The following GLI3 variants were observed in gnomAD, a reference collection of about 807,000 sequenced individuals.
GLI3 encodes the protein GLI family zinc finger 3.
GLI3 carries 20 observed loss-of-function variants against 100.8 expected under a neutral mutation model. The observed-to-expected ratio is 0.20, with a 90% CI of 0.14 to 0.29. The LOEUF is 0.29. Ranked by LOEUF, GLI3 falls within the 10% of genes least tolerant of loss-of-function variation. The pLI is 1.00. For synonymous variants in GLI3, 938 were observed against 860.5 expected (o/e 1.09, Z -1.58); for missense variants, 2,040 against 2,128.5 (o/e 0.96, Z 0.82).
chr7:42,245,699 C>G (rs1354994654), intron 1 of GLI3, among the ~76,000 whole-genome samples: 1 of 148,706 alleles, frequency 6.7e-6, no homozygotes, highest in Non-Finnish European at 1.5e-5. Context: ...AAAACAAAAA[C>G]AAAACAAAAC....
At chr7:42,249,307 G>A (rs1328254390) in intron 1 of GLI3, among the ~76,000 whole-genome samples, 4 of 152,254 alleles carry the variant, frequency 2.6e-5, no homozygotes, top group South Asian at 4.1e-4. Flanking sequence ...AATCTCTACC[G>A]ATGGACACTA....
chr7:42,241,598 C>T (rs535956956), upstream of GLI3, among the ~76,000 whole-genome samples: 5 of 152,310 alleles, frequency 3.3e-5, no homozygotes, highest in African/African-American at 9.6e-5. Context: ...GCATCGCACA[C>T]GGGGCCCTTC....
intron 2 of GLI3, among the ~76,000 whole-genome samples, chr7:42,205,907 G>T (rs1562785754): frequency 6.6e-6 from 1 of 152,154 alleles, no homozygotes; most frequent in African/African-American, 2.4e-5. Context: ...AAACGACTAA[G>T]ATTGCTTCCC....
chr7:42,213,389 A>G (rs191916899), intron 2 of GLI3, among the ~76,000 whole-genome samples: 5 of 152,292 alleles, frequency 3.3e-5, no homozygotes, highest in Admixed American at 3.3e-4. Flanking sequence ...TTCTACATTT[A>G]TTCCATGGTT....
intron 2 of GLI3, among the ~76,000 whole-genome samples, chr7:42,199,481 G>A (rs893280169): frequency 1.3e-5 from 2 of 152,202 alleles, no homozygotes; most frequent in African/African-American, 4.8e-5. Context: ...CACCAAGCAG[G>A]TTACAGTCCC....
chr7:42,226,778 AAAG>A (rs1317880693), intron 1 of GLI3, among the ~76,000 whole-genome samples: 1 of 152,216 alleles, frequency 6.6e-6, no homozygotes, highest in Non-Finnish European at 1.5e-5. Flanking sequence ...TGTCAGTTAT[AAAG>A]AAGAAAGTTT....
rs1284329586 is a variant in GLI3 at position 41,963,980 on chromosome 7, T to C, written c.*350A>G. 1 of 215,084 alleles carries C rather than the reference T, an allele frequency of 4.6e-6. No homozygotes were observed. The highest frequency in any genetic ancestry group is 9.4e-6 in the Non-Finnish European group (1 of 106,756). The allele number at this position is 215,084 out of a possible 1,614,324, so 13.3% of individuals were successfully genotyped here. ...CAACAGCAAAACATGTCAAATCCTT[T>C]AATTTGACTGCTCTTCTAAAAGAAA... On this transcript the variant is annotated 3_prime_UTR_variant, in exon 15 of 15. Coordinates refer to ENST00000395925, the MANE Select transcript of GLI3 (RefSeq NM_000168.6).
chr7:42,180,697 T>A (rs922460207), intron 2 of GLI3, among the ~76,000 whole-genome samples: 6 of 152,208 alleles, frequency 3.9e-5, no homozygotes, highest in African/African-American at 1.4e-4. Context: ...CGGTGAAAAT[T>A]ATCTCCTGTT....
intron 10 of GLI3, among the ~76,000 whole-genome samples, chr7:41,980,081 C>T (rs1403029861): frequency 6.6e-6 from 1 of 152,192 alleles, no homozygotes; most frequent in East Asian, 1.9e-4. Flanking sequence ...TCTCTATCTC[C>T]TCTCCTTGGA....
At chr7:42,226,918 G>A (rs1386339227) in intron 1 of GLI3, among the ~76,000 whole-genome samples, 1 of 152,154 alleles carries the variant, frequency 6.6e-6, no homozygotes, top group East Asian at 1.9e-4. Flanking sequence ...AGTCACTCCT[G>A]AGCTGGTCCA....
chr7:42,182,863 T>A (rs12397717), intron 2 of GLI3, among the ~76,000 whole-genome samples: 1 of 150,956 alleles, frequency 6.6e-6, no homozygotes, highest in African/African-American at 2.4e-5. Flanking sequence ...GCGCAGATCG[T>A]TTGAGGCCAG....
chr7:42,095,091 C>T (rs1177162240), intron 3 of GLI3, among the ~76,000 whole-genome samples: 2 of 152,196 alleles, frequency 1.3e-5, no homozygotes, highest in Non-Finnish European at 2.9e-5. Flanking sequence ...GGGGCAAGGG[C>T]GTGCTTGGTG....
At chr7:41,999,945 C>G (rs1317561748) in intron 10 of GLI3, among the ~76,000 whole-genome samples, 1 of 152,214 alleles carries the variant, frequency 6.6e-6, no homozygotes, top group Non-Finnish European at 1.5e-5. Context: ...CAGAGACCCA[C>G]ACTATGACAT....
intron 10 of GLI3, among the ~76,000 whole-genome samples, chr7:41,985,364 T>C (rs925122084): frequency 2.6e-5 from 4 of 152,200 alleles, no homozygotes; most frequent in African/African-American, 7.2e-5. Flanking sequence ...GAAACTTCTG[T>C]GGGATTTGCT....
chr7:42,227,107 T>C (rs1373417225), intron 1 of GLI3, among the ~76,000 whole-genome samples: 1 of 152,238 alleles, frequency 6.6e-6, no homozygotes, highest in African/African-American at 2.4e-5. Context: ...TCAAAGACTT[T>C]TCCCTGAGGA....
chr7:42,221,941 A>T (rs17172026), intron 2 of GLI3, among the ~76,000 whole-genome samples: 3,523 of 152,270 alleles, frequency 0.023, 121 homozygotes, highest in African/African-American at 0.08. Context: ...CTCCCTCAGG[A>T]TCAATTTAAA....
At chr7:42,189,218 T>TA (rs2034092147) in intron 2 of GLI3, among the ~76,000 whole-genome samples, 1 of 152,104 alleles carries the variant, frequency 6.6e-6, no homozygotes, top group African/African-American at 2.4e-5. Flanking sequence ...AAAGGACTAA[T>TA]AAAATAAACT....
At chr7:42,002,613 G>A (rs967323507) in intron 10 of GLI3, among the ~76,000 whole-genome samples, 1 of 152,104 alleles carries the variant, frequency 6.6e-6, no homozygotes, top group Non-Finnish European at 1.5e-5. Context: ...CTTGACCACA[G>A]AATATCATAT....
intron 10 of GLI3, among the ~76,000 whole-genome samples, chr7:42,016,477 C>T (rs572212279): frequency 2.0e-5 from 3 of 152,138 alleles, no homozygotes; most frequent in African/African-American, 4.8e-5. Flanking sequence ...ATTTTTCTCT[C>T]GTAAGCAGAA....
Sources: gnomAD v4.1 joint callset for allele counts (sites outside exome capture counted in the v4.1 genomes callset) on GRCh38, gnomAD v4.1.1 for gene constraint, MANE v1.5 for transcripts, NCBI Gene and HGNC (gene_info 2026-07-23, HGNC 2026-07-21) for gene names.